OPN4: variants seen among roughly 807,000 people sequenced by gnomAD.
The protein encoded by OPN4 is opsin 4, also known as melanopsin.
In OPN4, 43 loss-of-function variants were observed where a neutral mutation model predicts 49.5. The ratio of observed to expected loss-of-function variants is 0.87; its 90% CI spans 0.68 to 1.12. The LOEUF (loss-of-function observed/expected upper bound fraction) is 1.12. Among genes scored for constraint, OPN4 ranks in the 50% most tolerant of loss-of-function variants. The probability of loss-of-function intolerance (pLI) is 0.00; values close to 1 mark genes in which losing one functional copy is unlikely to be tolerated. For synonymous variants in OPN4, 263 were observed against 258.0 expected (o/e 1.02, Z -0.19); for missense variants, 657 against 643.9 (o/e 1.02, Z -0.22).
At chr10:86,658,741 T>C in intron 4 of OPN4, 54 bp downstream of exon 4, 1 of 1,585,630 alleles carries the variant, frequency 6.3e-7, no homozygotes, top group Non-Finnish European at 8.6e-7. Context: ...AGGGGCACAT[T>C]CAAGGGGAAG....
intron 9 of OPN4, 138 bp downstream of exon 9, chr10:86,663,940 C>T: frequency 9.6e-7 from 1 of 1,041,066 alleles, no homozygotes. Context: ...CCCAGCACCT[C>T]CCAGCTTTTC....
intron 9 of OPN4, among the ~76,000 whole-genome samples, chr10:86,664,222 A>C (rs1240254316): frequency 6.6e-6 from 1 of 152,220 alleles, no homozygotes; most frequent in Non-Finnish European, 1.5e-5. Context: ...TGTAACACCC[A>C]GTGACACGTG....
At position 86,659,314 on chromosome 10, in the gene OPN4, G is replaced by A. The variant is rs201432667; in HGVS notation, c.646G>A (p.Gly216Arg). ...GCTCCCAGGCGCCTACGTGCCCGAGGGGTTGCTGACATCCTGCTCCTGGGA... is the reference window on the plus strand; with the variant it reads ...GCTCCCAGGCGCCTACGTGCCCGAGAGGTTGCTGACATCCTGCTCCTGGGA... ...FFGWSAYVPE[G>R]LLTSCSWDYM... The change falls in exon 5 of 10, where the codon GGG (glycine) becomes AGG (arginine). Residue 216 changes from glycine (G) to arginine (R), a missense_variant. Transcript: ENST00000241891. 85 of 1,613,020 alleles carry A rather than the reference G, an allele frequency of 5.3e-5. 2 individuals carry two copies. The Admixed American group carries it at 1.0e-3, about 19-fold the overall frequency.
chr10:86,658,493 T>C lies in OPN4; in HGVS notation c.434T>C (p.Phe145Ser), dbSNP rs753311017. ...QWLFGETGCE[F>S]YAFCGALFGI... ...GGGGCTGTGCCCACAGGCTGCGAGT[T>C]CTATGCCTTCTGTGGAGCTCTCTTT... The change falls in exon 4 of 10, where the codon TTC (phenylalanine) becomes TCC (serine). Residue 145 changes from phenylalanine to serine, a missense_variant. By Grantham distance (155) the Phe-to-Ser change is radical. Coordinates refer to ENST00000241891, the MANE Select transcript of OPN4 (RefSeq NM_033282.4). The C allele has an allele frequency of 1.2e-6, 2 of 1,614,166 alleles. No individual in the cohort carries two copies. Among genetic ancestry groups the C allele is most frequent in the Non-Finnish European group, 1.7e-6 (2 of 1,180,026 alleles).
At position 86,660,172 on chromosome 10, in the gene OPN4, A is replaced by G. The variant is rs34094423; in HGVS notation, c.965+113A>G. 2,514 of 1,186,646 alleles carry G rather than the reference A, an allele frequency of 2.1e-3. 29 individuals carry two copies. The African/African-American group carries it at 0.031, about 14-fold the overall frequency. 73.5% of individuals were successfully genotyped at this position (1,186,646 alleles called of 1,614,324 possible). A position where few individuals can be genotyped will look rare whatever the true frequency, so the allele number is the denominator to read the frequency against. On this transcript the variant is annotated intron_variant, in intron 6 of 9. Transcript: ENST00000241891. ...CCCCGGCCAGCCATCCTCGCACCCT[A>G]GGACCAGCTTCACAGCTTATTCTCT...
chr10:86,658,079 C>T lies in OPN4; in HGVS notation c.338C>T (p.Ala113Val), dbSNP rs1247113380. The stretch of plus-strand genomic sequence containing the variant: ...GCCAACATGTTCATTATCAACCTCG[C>T]GGTCAGCGACTTCCTCATGTCCTTC... ...TPANMFIINL[A>V]VSDFLMSFTQ... The change falls in exon 3 of 10, where the codon GCG (alanine) becomes GTG (valine). Residue 113 changes from alanine to valine, a missense_variant. Coordinates refer to ENST00000241891, the MANE Select transcript of OPN4 (RefSeq NM_033282.4). The T allele has an allele frequency of 2.5e-6, 4 of 1,614,012 alleles. No individual in the cohort carries two copies. The highest frequency in any genetic ancestry group is 1.7e-5 in the Admixed American group (1 of 60,026).
intron 9 of OPN4, among the ~76,000 whole-genome samples, chr10:86,665,451 G>T (rs1291446770): frequency 1.3e-5 from 2 of 152,084 alleles, no homozygotes; most frequent in Non-Finnish European, 2.9e-5. Flanking sequence ...GATGGTGGGG[G>T]TGAGGATGGG....
chr10:86,663,501 G>A (rs1337508678), intron 8 of OPN4, among the ~76,000 whole-genome samples, 158 bp from the exon 9 acceptor site: 4 of 152,200 alleles, frequency 2.6e-5, no homozygotes, highest in South Asian at 2.1e-4. Flanking sequence ...CACAATTTAC[G>A]GGGTTTATTT....
At chr10:86,659,239 A>G in intron 4 of OPN4, 58 bp from the exon 5 acceptor site, 1 of 1,393,966 alleles carries the variant, frequency 7.2e-7, no homozygotes, top group Non-Finnish European at 9.9e-7. Context: ...AGCTCCTGCC[A>G]GATAAGGAGC....
chr10:86,663,972 G>A (rs923782776), intron 9 of OPN4, 170 bp downstream of exon 9: 3 of 752,336 alleles, frequency 4.0e-6, no homozygotes, highest in Middle Eastern at 2.4e-4. Flanking sequence ...GGGGTTCTCT[G>A]TGACTCTGAG....
rs1382953338 is a variant in OPN4, at chr10:86,659,928, T to C, written c.834T>C (p.Asn278=). Residue 278 remains asparagine (N), a synonymous_variant, in exon 6 of 10, where the codon AAT becomes AAC. Coordinates refer to ENST00000241891, the MANE Select transcript of OPN4 (RefSeq NM_033282.4). The part of the protein sequence containing the change: ...ALQTFGACKG[N]GESLWQRQRL... ...AGACCTTCGGGGCCTGCAAGGGCAA[T>C]GGCGAGTCCCTGTGGCAGCGGCAGC... 1.2e-6 allele frequency: 2 copies of C among 1,614,058 alleles called. No homozygotes were observed. The highest frequency in any genetic ancestry group is 1.7e-6 in the Non-Finnish European group (2 of 1,180,016).
chr10:86,657,582 G>A (rs1356292595), intron 2 of OPN4, among the ~76,000 whole-genome samples: 1 of 152,192 alleles, frequency 6.6e-6, no homozygotes. Flanking sequence ...GTCAGGGCAC[G>A]CAGGAGGAGG....
At position 86,665,815 on chromosome 10, in the gene OPN4, C is replaced by A; in HGVS notation, c.*64C>A. ...AGCCCCCCCACGTCTCCCTCATATA[C>A]ACAGACCCAGGATTATGCTGTGAGC... On this transcript the variant is annotated 3_prime_UTR_variant, in exon 10 of 10. Transcript: ENST00000241891. The A allele has an allele frequency of 7.8e-7, 1 of 1,279,888 alleles. No individual in the cohort carries two copies. The highest frequency in any genetic ancestry group is 1.1e-6 in the Non-Finnish European group (1 of 882,438). 79.3% of individuals were successfully genotyped at this position (1,279,888 alleles called of 1,614,324 possible). A position where few individuals can be genotyped will look rare whatever the true frequency, so the allele number is the denominator to read the frequency against.
rs1564623583 is a variant in OPN4 at position 86,665,693 on chromosome 10, T to C, written c.1399-20T>C. On this transcript the variant is annotated intron_variant, in intron 9 of 9. Transcript: ENST00000241891. ...GTGAACTGCTCCTCAGCTAAACAGA[T>C]GTGTGCTGTTTGTTTGCAGACCAAG... 6.2e-7 allele frequency: 1 copy of C among 1,610,500 alleles called. No homozygotes were observed.
At chr10:86,655,033 A>C in intron 1 of OPN4, 106 bp downstream of exon 1, 1 of 1,220,782 alleles carries the variant, frequency 8.2e-7, no homozygotes, top group Non-Finnish European at 1.1e-6. Context: ...AAAGGTCTGA[A>C]CTCTGCTGTG....
Position 86,663,793 on chromosome 10 carries a change from T to C in OPN4, c.1389T>C (p.Thr463=). 1 of 1,552,790 alleles carries C rather than the reference T, an allele frequency of 6.4e-7. No homozygotes were observed. Among genetic ancestry groups the C allele is most frequent in the Non-Finnish European group, 8.7e-7 (1 of 1,148,228 alleles). The change falls in exon 9 of 10, where the codon ACT becomes ACC. Residue 463 remains threonine (T), a synonymous_variant. Transcript: ENST00000241891. The part of the protein sequence containing the change: ...PPRPQGHEAE[T]PGKTKGLIPS... ...GACCCCAGGGACACGAAGCAGAGAC[T>C]CCAGGGAAGGTGACTGGGCCCGGTA...
intron 9 of OPN4, among the ~76,000 whole-genome samples, chr10:86,664,926 G>A (rs1844109820): frequency 6.6e-6 from 1 of 152,216 alleles, no homozygotes; most frequent in Non-Finnish European, 1.5e-5. Flanking sequence ...AAACACATGT[G>A]ATAAGCGCTG....
Position 86,658,269 on chromosome 10 carries a change from CAG to C in OPN4, c.424+109_424+110del. 2.7e-6 allele frequency: 4 copies of C among 1,473,870 alleles called. No homozygotes were observed. In the South Asian group the frequency reaches 3.8e-5, roughly 14 times the overall value. 91.3% of individuals were successfully genotyped at this position (1,473,870 alleles called of 1,614,324 possible). Reference sequence around the variant, plus strand: ...AAGGAGGTGATTTGCTGCTTCTGGGCAGAGAGTGGGTAGCTGCCCTCAGTCCT... The same window carrying C: ...AAGGAGGTGATTTGCTGCTTCTGGGCAGAGTGGGTAGCTGCCCTCAGTCCT... On this transcript the variant is annotated intron_variant, in intron 3 of 9. Transcript: ENST00000241891.
At chr10:86,661,233 G>A (rs761422173) in intron 6 of OPN4, 48 bp from the exon 7 acceptor site, 5 of 1,468,088 alleles carry the variant, frequency 3.4e-6, no homozygotes, top group Non-Finnish European at 4.8e-6. Flanking sequence ...AAGAGAAGGT[G>A]TGTCAGGAGG....
Sources: allele counts gnomAD v4.1 joint callset (sites outside exome capture counted in the v4.1 genomes callset), GRCh38; gene constraint gnomAD v4.1.1; transcripts MANE v1.5; gene names NCBI Gene and HGNC (gene_info 2026-07-23, HGNC 2026-07-21).